Variants in SIRPA observed in about 807,000 individuals in gnomAD.
SIRPA encodes signal regulatory protein alpha, also known as tyrosine-protein phosphatase non-receptor type substrate 1.
SIRPA carries 9 observed loss-of-function variants against 50.3 expected under a neutral mutation model. That is an observed-to-expected ratio of 0.18 (90% confidence interval 0.11 to 0.31). SIRPA has a LOEUF of 0.31. SIRPA is among the 10% of genes least tolerant of loss of function. The pLI is 1.00. For missense variants in SIRPA, 474 were observed against 661.6 expected (o/e 0.72, Z 3.11); for synonymous variants, 265 against 284.1 (o/e 0.93, Z 0.68).
Position 1,937,427 on chromosome 20 carries a change from C to T in SIRPA, c.1374C>T (p.Thr458=), listed in dbSNP as rs778619030. The stretch of plus-strand genomic sequence containing the variant: ...ACACGGAGTATGCCAGCATTCAGAC[C>T]AGCCCGCAGCCCGCGTCGGAGGACA... ...NNHTEYASIQ[T]SPQPASEDTL... Residue 458 remains threonine (T), a synonymous_variant, in exon 8 of 8, where the codon ACC becomes ACT. Coordinates refer to ENST00000358771, the MANE Select transcript of SIRPA (RefSeq NM_001040023.2). The surrounding 1 kb of genome is among the most constrained non-coding windows in gnomAD (Gnocchi z 8.3). The T allele has an allele frequency of 2.5e-6, 4 of 1,614,128 alleles. No homozygotes were observed. The highest frequency in any genetic ancestry group is 2.2e-5 in the East Asian group (1 of 44,862).
chr20:1,897,500 C>T (rs190531685), intron 1 of SIRPA, among the ~76,000 whole-genome samples: 143 of 152,332 alleles, frequency 9.4e-4, no homozygotes, highest in African/African-American at 3.0e-3. Flanking sequence ...CAGGCCCCTC[C>T]CCCTATTGCT....
In SIRPA at chr20:1,936,159, C is replaced by T. The variant is rs574878894; in HGVS notation, c.1267-1161C>T. ...ACCGTGCACCAACTAGGAGGTGTGC[C>T]GGTTGGTGGTAGCTTTATTCTGTTC... On this transcript the variant is annotated intron_variant, in intron 7 of 7. Transcript: ENST00000358771. This position sits in a 1 kb window ranked among gnomAD's most constrained non-coding sequence, Gnocchi z 4.2. 5.3e-5 allele frequency among the ~76,000 whole-genome samples: 8 copies of T among 152,056 alleles called. No individual in the cohort carries two copies. The highest frequency in any genetic ancestry group is 2.0e-4 in the Admixed American group (3 of 15,266).
chr20:1,923,217 C>T (rs1021768093), intron 4 of SIRPA, among the ~76,000 whole-genome samples: 6 of 152,248 alleles, frequency 3.9e-5, no homozygotes, highest in African/African-American at 1.4e-4. Context: ...AATGCTGTCG[C>T]TCCCCTGAGA....
chr20:1,903,011 CAAAAA>C (rs58735842), intron 1 of SIRPA, among the ~76,000 whole-genome samples: 99 of 90,882 alleles, frequency 1.1e-3, no homozygotes, highest in African/African-American at 3.5e-3. Flanking sequence ...GACTCTGTCT[CAAAAA>C]AAAAAAAAAA....
rs1266665606 is a variant in SIRPA, at chr20:1,927,931, A to G, written c.1226+32A>G. 3.1e-6 allele frequency: 5 copies of G among 1,603,354 alleles called. No individual in the cohort carries two copies. Among genetic ancestry groups the G allele is most frequent in the Non-Finnish European group, 4.3e-6 (5 of 1,170,352 alleles). ...GCATCATTGGTCCAGACCCTCTTGC[A>G]GTTATTATTTGGTTATTTGACAGCC... On this transcript the variant is annotated intron_variant, in intron 6 of 7. Coordinates refer to ENST00000358771, the MANE Select transcript of SIRPA (RefSeq NM_001040023.2). This position sits in a 1 kb window ranked among gnomAD's most constrained non-coding sequence, Gnocchi z 6.5.
intron 1 of SIRPA, among the ~76,000 whole-genome samples, chr20:1,912,877 C>T (rs899292473): frequency 1.3e-5 from 2 of 152,196 alleles, no homozygotes; most frequent in African/African-American, 2.4e-5. Flanking sequence ...CAGACCTATC[C>T]GGAAAGTTCC....
rs1423419223 is a variant in SIRPA at position 1,895,495 on chromosome 20, C to T, written c.48C>T (p.Cys16=). ...PAPGRLGPLL[C]LLLAASCAWS... is the part of the protein sequence containing the mutation. Reference sequence around the variant, plus strand: ...CCGGCCGCCTCGGGCCGCTGCTCTGCCTGCTGCTCGCCGCGTCCTGCGCCT... The same window carrying T: ...CCGGCCGCCTCGGGCCGCTGCTCTGTCTGCTGCTCGCCGCGTCCTGCGCCT... Residue 16 remains cysteine, a synonymous_variant, in exon 1 of 8, where the codon TGC becomes TGT. Coordinates refer to ENST00000358771, the MANE Select transcript of SIRPA (RefSeq NM_001040023.2). The T allele has an allele frequency of 1.4e-6, 2 of 1,460,720 alleles. No homozygotes were observed. The highest frequency in any genetic ancestry group is 1.8e-6 in the Non-Finnish European group (2 of 1,109,870). The allele number at this position is 1,460,720 out of a possible 1,614,324, so 90.5% of individuals were successfully genotyped here. A position where few individuals can be genotyped will look rare whatever the true frequency, so the allele number is the denominator to read the frequency against.
At chr20:1,922,708 T>C in intron 4 of SIRPA, 63 bp downstream of exon 4, 1 of 1,496,868 alleles carries the variant, frequency 6.7e-7, no homozygotes, top group South Asian at 1.3e-5. Context: ...GTTTTTTAAA[T>C]GTTAAAAGTA....
rs1986629138 is a variant in SIRPA at position 1,937,269 on chromosome 20, G to A, written c.1267-51G>A. On this transcript the variant is annotated intron_variant, in intron 7 of 7. Transcript: ENST00000358771. The surrounding 1 kb of genome is among the most constrained non-coding windows in gnomAD (Gnocchi z 8.3). ...ATTCAGTTTGAGTGAGTGGGCCAGG[G>A]GCTATAGAATGACCTTCTCATGACT... 3 of 1,582,986 alleles carry A rather than the reference G, an allele frequency of 1.9e-6. No homozygotes were observed. The highest frequency in any genetic ancestry group is 2.6e-6 in the Non-Finnish European group (3 of 1,161,482).
rs925708814 is a variant in SIRPA, at chr20:1,936,927, G to A, written c.1267-393G>A. On this transcript the variant is annotated intron_variant, in intron 7 of 7. Coordinates refer to ENST00000358771, the MANE Select transcript of SIRPA (RefSeq NM_001040023.2). The surrounding 1 kb of genome is among the most constrained non-coding windows in gnomAD (Gnocchi z 4.2). ...TCTTAGTATGAGCCATGCTTCATCTGAAATTTACATGGTGGATTGGGATTT... is the reference window on the plus strand; with the variant it reads ...TCTTAGTATGAGCCATGCTTCATCTAAAATTTACATGGTGGATTGGGATTT... Among the ~76,000 whole-genome samples, 2 of 152,104 alleles carry A rather than the reference G, an allele frequency of 1.3e-5. No homozygotes were observed. The highest frequency in any genetic ancestry group is 4.8e-5 in the African/African-American group (2 of 41,420).
intron 1 of SIRPA, among the ~76,000 whole-genome samples, chr20:1,903,148 A>G (rs1258034805): frequency 1.3e-5 from 2 of 152,062 alleles, no homozygotes; most frequent in Non-Finnish European, 2.9e-5. Flanking sequence ...ATGTTCCAGG[A>G]ATTGCAAAGA....
chr20:1,909,290 G>A (rs1424975904), intron 1 of SIRPA, among the ~76,000 whole-genome samples: 1 of 152,184 alleles, frequency 6.6e-6, no homozygotes, highest in African/African-American at 2.4e-5. Context: ...ACTGCTTCCG[G>A]GGGATGGGCA....
In SIRPA at chr20:1,927,060, A is replaced by G. The variant is rs188159576; in HGVS notation, c.1202-815A>G. On this transcript the variant is annotated intron_variant, in intron 5 of 7. Coordinates refer to ENST00000358771, the MANE Select transcript of SIRPA (RefSeq NM_001040023.2). The surrounding 1 kb of genome is among the most constrained non-coding windows in gnomAD (Gnocchi z 6.5). ...CACTCAGACTTTCGGTGCTGAGCAC[A>G]GCTTCCAACTGGTACACCTCATCTA... is the stretch of plus-strand genomic sequence containing the variant. 1.3e-5 allele frequency among the ~76,000 whole-genome samples: 2 copies of G among 152,338 alleles called. No individual in the cohort carries two copies. Among genetic ancestry groups the G allele is most frequent in the East Asian group, 3.9e-4 (2 of 5,172 alleles).
intron 2 of SIRPA, 142 bp from the exon 3 acceptor site, chr20:1,921,253 A>G: frequency 6.9e-7 from 1 of 1,444,846 alleles, no homozygotes; most frequent in Non-Finnish European, 9.3e-7. Context: ...AAATGACAAT[A>G]AGGACACCGC....
rs1322974091 is a variant in SIRPA at position 1,927,043 on chromosome 20, C to T, written c.1202-832C>T. ...TGCAACCTGTCAGCCTCCACTCAGA[C>T]TTTCGGTGCTGAGCACAGCTTCCAA... On this transcript the variant is annotated intron_variant, in intron 5 of 7. Transcript: ENST00000358771. This position sits in a 1 kb window ranked among gnomAD's most constrained non-coding sequence, Gnocchi z 6.5. 6.6e-6 allele frequency among the ~76,000 whole-genome samples: 1 copy of T among 152,210 alleles called. No homozygotes were observed. Among genetic ancestry groups the T allele is most frequent in the Non-Finnish European group, 1.5e-5 (1 of 68,034 alleles).
In SIRPA at chr20:1,922,383, G is replaced by C; in HGVS notation, c.825G>C (p.Val275=). ...ACCAGGTGAATGTCACCTGCCAGGT[G>C]AGGAAGTTCTACCCCCAGAGACTAC... The part of the protein sequence containing the change: ...AENQVNVTCQ[V]RKFYPQRLQL... The change falls in exon 4 of 8, where the codon GTG becomes GTC. Residue 275 remains valine, a synonymous_variant. Transcript: ENST00000358771. 2 of 1,614,252 alleles carry C rather than the reference G, an allele frequency of 1.2e-6. No homozygotes were observed. The highest frequency in any genetic ancestry group is 2.7e-5 in the African/African-American group (2 of 75,066).
In SIRPA at chr20:1,938,009, CACT is replaced by C. The variant is rs1302970917; in HGVS notation, c.*444_*446del. Reference sequence around the variant, plus strand: ...CCACCACCACCACCACCACCACCACCACTACCACCACCACCCAACTGGGGCTAG... The same window carrying C: ...CCACCACCACCACCACCACCACCACCACCACCACCACCCAACTGGGGCTAG... On this transcript the variant is annotated 3_prime_UTR_variant, in exon 8 of 8. Transcript: ENST00000358771. The C allele has an allele frequency of 9.1e-5, 15 of 164,482 alleles. No individual in the cohort carries two copies. The highest frequency in any genetic ancestry group is 1.2e-4 in the African/African-American group (4 of 33,296). The allele number at this position is 164,482 out of a possible 1,614,324, so 10.2% of individuals were successfully genotyped here. A position where few individuals can be genotyped will look rare whatever the true frequency, so the allele number is the denominator to read the frequency against.
chr20:1,935,500 C>T (rs1986525654), intron 7 of SIRPA, among the ~76,000 whole-genome samples: 1 of 152,252 alleles, frequency 6.6e-6, no homozygotes, highest in Non-Finnish European at 1.5e-5. Flanking sequence ...GTGAAAGGCG[C>T]AGCATTTGTA....
chr20:1,921,339 T>A, intron 2 of SIRPA, 56 bp from the exon 3 acceptor site: 1 of 1,609,428 alleles, frequency 6.2e-7, no homozygotes, highest in Non-Finnish European at 8.5e-7. Context: ...CACACACTTA[T>A]CGTTAGTGAT....
Sources: allele counts gnomAD v4.1 joint callset (sites outside exome capture counted in the v4.1 genomes callset), GRCh38; gene constraint gnomAD v4.1.1; non-coding constraint Gnocchi (gnomAD v3.1); transcripts MANE v1.5; gene names NCBI Gene and HGNC (gene_info 2026-07-23, HGNC 2026-07-21).